ZFPM2: variants seen among roughly 807,000 people sequenced by gnomAD.
ZFPM2 encodes the protein zinc finger protein, FOG family member 2.
Under a neutral mutation model 98.6 loss-of-function variants are expected in ZFPM2, and 20 were observed. That is an observed-to-expected ratio of 0.20 (90% CI 0.14 to 0.29). The LOEUF is 0.29. Ranked by LOEUF, ZFPM2 falls within the 10% of genes least tolerant of loss-of-function variation. The probability of loss-of-function intolerance (pLI) is 1.00; values close to 1 mark genes in which losing one functional copy is unlikely to be tolerated. For missense variants in ZFPM2, 1,310 were observed against 1,388.6 expected (o/e 0.94, Z 0.90); for synonymous variants, 518 against 502.7 (o/e 1.03, Z -0.41).
At chr8:105,779,053 TTAAC>T (rs555660597) in intron 5 of ZFPM2, among the ~76,000 whole-genome samples, 4 of 152,202 alleles carry the variant, frequency 2.6e-5, no homozygotes, top group Admixed American at 6.5e-5. Flanking sequence ...GTAAAAGTCA[TTAAC>T]TAACTTTTAA....
chr8:105,365,099 C>T (rs539473984), intron 1 of ZFPM2, among the ~76,000 whole-genome samples: 1 of 152,276 alleles, frequency 6.6e-6, no homozygotes, highest in Admixed American at 6.5e-5. Flanking sequence ...AAAGAGGGCC[C>T]TGGCCTGTCC....
At chr8:105,698,753 TTAAAA>T (rs1310068753) in intron 5 of ZFPM2, among the ~76,000 whole-genome samples, 5 of 152,184 alleles carry the variant, frequency 3.3e-5, no homozygotes, top group African/African-American at 4.8e-5. Flanking sequence ...GGTTATATAG[TTAAAA>T]TAATAAAAAT....
intron 5 of ZFPM2, among the ~76,000 whole-genome samples, chr8:105,732,224 C>T (rs1185530596): frequency 6.6e-6 from 1 of 151,770 alleles, no homozygotes; most frequent in Non-Finnish European, 1.5e-5. Context: ...TTTCTAATTA[C>T]AACAACAAGA....
At chr8:105,582,104 C>CT (rs1268015753) in intron 4 of ZFPM2, among the ~76,000 whole-genome samples, 1 of 152,176 alleles carries the variant, frequency 6.6e-6, no homozygotes, top group Non-Finnish European at 1.5e-5. Context: ...GATTGTACAA[C>CT]TTTATCTTTC....
chr8:105,542,102 C>A (rs1032440480), intron 3 of ZFPM2, among the ~76,000 whole-genome samples: 3 of 151,954 alleles, frequency 2.0e-5, no homozygotes, highest in African/African-American at 7.3e-5. Context: ...ATTATTTATG[C>A]AATTAATAAT....
chr8:105,639,468 C>A (rs1285751183), intron 5 of ZFPM2, among the ~76,000 whole-genome samples: 1 of 151,908 alleles, frequency 6.6e-6, no homozygotes, highest in African/African-American at 2.4e-5. Flanking sequence ...ATCTGCTAAC[C>A]CTCACTCTCA....
chr8:105,488,470 G>A (rs1342674849), intron 3 of ZFPM2, among the ~76,000 whole-genome samples: 1 of 152,106 alleles, frequency 6.6e-6, no homozygotes, highest in Non-Finnish European at 1.5e-5. Flanking sequence ...GGTTAGAAAG[G>A]TTAAGTAACA....
intron 5 of ZFPM2, among the ~76,000 whole-genome samples, chr8:105,686,448 C>T (rs76963849): frequency 0.043 from 6,503 of 152,012 alleles, 181 homozygotes; most frequent in Middle Eastern, 0.14. Flanking sequence ...CTTAATGGCT[C>T]TTCTCTGGCC....
At chr8:105,645,998 A>C (rs946041298) in intron 5 of ZFPM2, among the ~76,000 whole-genome samples, 4 of 150,616 alleles carry the variant, frequency 2.7e-5, no homozygotes, top group Admixed American at 1.3e-4. Context: ...GGTTGCAGTG[A>C]GCCGAGATCA....
At chr8:105,439,106 A>G (rs1429427339) in intron 2 of ZFPM2, among the ~76,000 whole-genome samples, 3 of 152,220 alleles carry the variant, frequency 2.0e-5, no homozygotes, top group Non-Finnish European at 4.4e-5. Context: ...ATAGCACCAT[A>G]TATTTCCAAC....
At chr8:105,683,572 C>A (rs539284735) in intron 5 of ZFPM2, among the ~76,000 whole-genome samples, 13 of 152,234 alleles carry the variant, frequency 8.5e-5, no homozygotes, top group African/African-American at 3.1e-4. Context: ...CACACCCAGA[C>A]AATCTTCCCT....
intron 2 of ZFPM2, among the ~76,000 whole-genome samples, chr8:105,437,090 AT>A (rs1812135596): frequency 6.6e-6 from 1 of 152,132 alleles, no homozygotes; most frequent in Non-Finnish European, 1.5e-5. Flanking sequence ...AGATTAAATA[AT>A]TAGAAAGTTT....
intron 3 of ZFPM2, among the ~76,000 whole-genome samples, chr8:105,490,921 G>A (rs938497456): frequency 3.9e-5 from 6 of 152,000 alleles, no homozygotes; most frequent in Non-Finnish European, 8.8e-5. Flanking sequence ...TTAAAAATAT[G>A]TACTCAAAAT....
At chr8:105,526,008 A>T (rs139495007) in intron 3 of ZFPM2, among the ~76,000 whole-genome samples, 1,585 of 152,326 alleles carry the variant, frequency 0.01, 28 homozygotes, top group African/African-American at 0.036. Flanking sequence ...GGTGTAAAGT[A>T]CACCCATATG....
At chr8:105,348,948 T>C (rs1158526279) in intron 1 of ZFPM2, among the ~76,000 whole-genome samples, 7 of 152,170 alleles carry the variant, frequency 4.6e-5, no homozygotes, top group African/African-American at 1.7e-4. Flanking sequence ...ATATTTCATT[T>C]TCTACTTAAA....
At chr8:105,687,239 C>T (rs1365356606) in intron 5 of ZFPM2, among the ~76,000 whole-genome samples, 1 of 152,116 alleles carries the variant, frequency 6.6e-6, no homozygotes, top group Non-Finnish European at 1.5e-5. Context: ...TTCCCCTCCC[C>T]AATGCATAAG....
intron 2 of ZFPM2, among the ~76,000 whole-genome samples, chr8:105,441,398 G>T (rs903108296): frequency 4.8e-5 from 7 of 144,538 alleles, no homozygotes; most frequent in Non-Finnish European, 4.5e-5. Flanking sequence ...CAAAAGGAGT[G>T]AAAACTCTGT....
chr8:105,320,094 T>C (rs1257902553), intron 1 of ZFPM2, among the ~76,000 whole-genome samples: 1 of 152,198 alleles, frequency 6.6e-6, no homozygotes, highest in African/African-American at 2.4e-5. Flanking sequence ...GATAAGACTT[T>C]AGTAGTATCC....
Position 105,330,571 on chromosome 8 carries a change from T to C in ZFPM2, c.40+11590T>C, listed in dbSNP as rs369901944. Among the ~76,000 whole-genome samples, 87 of 91,194 alleles carry C rather than the reference T, an allele frequency of 9.5e-4. 1 individual carries two copies. Among genetic ancestry groups the C allele is most frequent in the East Asian group, 2.5e-3 (8 of 3,220 alleles). 59.8% of individuals were successfully genotyped at this position (91,194 alleles called of 152,430 possible). ...ATATATACATATATATATATATACA[T>C]ATATATATACATATATATATATACA... is the stretch of plus-strand genomic sequence containing the variant. On this transcript the variant is annotated intron_variant, in intron 1 of 7. Transcript: ENST00000407775.
Sources: gnomAD v4.1 joint callset for allele counts (sites outside exome capture counted in the v4.1 genomes callset) on GRCh38, gnomAD v4.1.1 for gene constraint, MANE v1.5 for transcripts, NCBI Gene and HGNC (gene_info 2026-07-23, HGNC 2026-07-21) for gene names.